DIAPH2: variants seen among roughly 807,000 people sequenced by gnomAD.
The protein encoded by DIAPH2 is diaphanous related formin 2.
A neutral mutation model predicts 92.7 loss-of-function variants in DIAPH2; 35 were observed. The observed-to-expected ratio is 0.38, with a 90% CI of 0.29 to 0.50. The LOEUF is 0.50. DIAPH2 is among the 20% of genes least tolerant of loss of function. The probability of loss-of-function intolerance (pLI) is 0.94; values close to 1 mark genes in which losing one functional copy is unlikely to be tolerated. For synonymous variants in DIAPH2, 301 were observed against 280.4 expected, an observed-to-expected ratio of 1.07 and a Z score of -0.73; for missense variants, 701 against 819.5, an observed-to-expected ratio of 0.86 and a Z score of 1.77.
intron 25 of DIAPH2, among the ~76,000 whole-genome samples, chrX:97,401,887 C>A (rs2069761376): frequency 8.9e-6 from 1 of 112,660 alleles, no homozygotes; most frequent in African/African-American, 3.2e-5. Context: ...GTCTACTAGG[C>A]TTCTCTATGT....
Position 97,099,777 on chromosome X carries a change from T to C in DIAPH2, c.2331T>C (p.Pro777=), listed in dbSNP as rs2066894300. The C allele has an allele frequency of 1.7e-6, 2 of 1,167,315 alleles. No individual in the cohort carries two copies. The highest frequency in any genetic ancestry group is 1.8e-5 in the African/African-American group (1 of 55,937). ...ATGAATATGATGACCTCTGTGAGCC[T>C]GAACAATTTGGAGTTGTGGTATGTA... ...LKNEYDDLCE[P]EQFGVVMSSV... Residue 777 remains proline (P), a synonymous_variant, in exon 20 of 27, where the codon CCT becomes CCC. Transcript: ENST00000324765.
At chrX:96,893,061 C>T (rs1042089724) in intron 5 of DIAPH2, among the ~76,000 whole-genome samples, 1 of 111,562 alleles carries the variant, frequency 9.0e-6, no homozygotes, top group Non-Finnish European at 1.9e-5. Flanking sequence ...ATATTTATTT[C>T]GAGTTATATG....
intron 22 of DIAPH2, among the ~76,000 whole-genome samples, chrX:97,216,502 C>G (rs2067884862): frequency 9.3e-6 from 1 of 107,878 alleles, no homozygotes; most frequent in Non-Finnish European, 1.9e-5. Flanking sequence ...AACTGGGTCT[C>G]CCTATGTTGC....
At chrX:97,117,189 T>C (rs757018891) in intron 21 of DIAPH2, among the ~76,000 whole-genome samples, 4 of 110,576 alleles carry the variant, frequency 3.6e-5, no homozygotes, top group South Asian at 7.8e-4. Context: ...AAGAGAAATA[T>C]CATACACATG....
chrX:96,861,083 G>A (rs2147724127), intron 4 of DIAPH2, among the ~76,000 whole-genome samples: 1 of 111,396 alleles, frequency 9.0e-6, no homozygotes, highest in East Asian at 2.8e-4. Context: ...ACCATAGAGT[G>A]TTCTGCATTT....
chrX:97,246,388 T>G (rs1335193187), intron 22 of DIAPH2, among the ~76,000 whole-genome samples: 1 of 112,378 alleles, frequency 8.9e-6, no homozygotes, highest in African/African-American at 3.2e-5. Flanking sequence ...CATTAGCAAA[T>G]TTTTGGCAAA....
intron 26 of DIAPH2, among the ~76,000 whole-genome samples, chrX:97,517,000 A>G (rs1359613970): frequency 5.3e-5 from 6 of 112,633 alleles, no homozygotes; most frequent in Non-Finnish European, 1.1e-4. Flanking sequence ...CAAGGTGTAC[A>G]GCATGATATT....
chrX:97,549,979 A>C (rs1420226638), intron 26 of DIAPH2, among the ~76,000 whole-genome samples: 4 of 113,034 alleles, frequency 3.5e-5, no homozygotes, highest in African/African-American at 1.3e-4. Context: ...TTTTAAAATA[A>C]AGGCTTCTTT....
At chrX:97,523,978 A>G (rs1280861894) in intron 26 of DIAPH2, among the ~76,000 whole-genome samples, 1 of 112,114 alleles carries the variant, frequency 8.9e-6, no homozygotes, top group Non-Finnish European at 1.9e-5. Context: ...GAAAGCTAGT[A>G]CAGTAAAAAT....
chrX:96,853,714 T>C (rs1011121683), intron 4 of DIAPH2, among the ~76,000 whole-genome samples: 12 of 112,101 alleles, frequency 1.1e-4, no homozygotes, highest in African/African-American at 3.9e-4. Flanking sequence ...GAATATAATA[T>C]TTCTCAACTC....
At chrX:96,850,380 G>T (rs1186946522) in intron 4 of DIAPH2, among the ~76,000 whole-genome samples, 1 of 111,986 alleles carries the variant, frequency 8.9e-6, no homozygotes, top group Non-Finnish European at 1.9e-5. Context: ...TAATTCACTT[G>T]TTATAACATC....
At chrX:97,105,747 G>A (rs1415547312) in intron 20 of DIAPH2, among the ~76,000 whole-genome samples, 1 of 111,804 alleles carries the variant, frequency 8.9e-6, no homozygotes, top group Admixed American at 9.5e-5. Context: ...CTTAGTAATC[G>A]TACTTTGTTT....
chrX:96,913,356 CAAAA>C (rs751852628), intron 7 of DIAPH2, among the ~76,000 whole-genome samples: 135 of 111,237 alleles, frequency 1.2e-3, no homozygotes, highest in Middle Eastern at 4.8e-3. Context: ...GAAAACATAA[CAAAA>C]AGAAAGAAAT....
In DIAPH2 at chrX:96,867,509, C is replaced by T. The variant is rs746536359; in HGVS notation, c.448-14070C>T. Among the ~76,000 whole-genome samples the T allele has an allele frequency of 3.6e-4, 40 of 111,502 alleles. 1 individual carries two copies. The highest frequency in any genetic ancestry group is 4.6e-3 in the Middle Eastern group (1 of 218). On this transcript the variant is annotated intron_variant, in intron 4 of 26. Transcript: ENST00000324765. Reference sequence around the variant, plus strand: ...TGTTGAGATTACAAGCGTGAGCCACCGCACCTGGCCAGATTGTTCTTTCAA... The same window carrying T: ...TGTTGAGATTACAAGCGTGAGCCACTGCACCTGGCCAGATTGTTCTTTCAA...
intron 24 of DIAPH2, among the ~76,000 whole-genome samples, chrX:97,366,828 A>C (rs572958708): frequency 3.6e-5 from 4 of 111,711 alleles, no homozygotes; most frequent in African/African-American, 1.3e-4. Flanking sequence ...TCACGGGATA[A>C]AATTTTGTCA....
chrX:96,862,340 G>A (rs768790912), intron 4 of DIAPH2, among the ~76,000 whole-genome samples: 2 of 111,618 alleles, frequency 1.8e-5, no homozygotes, highest in Admixed American at 9.5e-5. Flanking sequence ...TGCCAAACAC[G>A]GTACATTTTC....
intron 22 of DIAPH2, among the ~76,000 whole-genome samples, chrX:97,234,016 T>C (rs2068027680): frequency 9.0e-6 from 1 of 110,670 alleles, no homozygotes; most frequent in African/African-American, 3.3e-5. Flanking sequence ...CTCAGTTGCA[T>C]TATGGTTATA....
At chrX:96,770,628 A>G (rs1418019916) in intron 4 of DIAPH2, among the ~76,000 whole-genome samples, 4 of 111,737 alleles carry the variant, frequency 3.6e-5, no homozygotes, top group African/African-American at 1.3e-4. Flanking sequence ...AAATTGTAGG[A>G]TAGTTGCTAC....
chrX:97,430,966 A>G (rs2070120474), intron 26 of DIAPH2, among the ~76,000 whole-genome samples: 1 of 112,427 alleles, frequency 8.9e-6, no homozygotes, highest in Non-Finnish European at 1.9e-5. Context: ...TGGTTGGAGT[A>G]TAAGACTACT....
Sources: gnomAD v4.1 joint callset for allele counts (sites outside exome capture counted in the v4.1 genomes callset) on GRCh38, gnomAD v4.1.1 for gene constraint, MANE v1.5 for transcripts, NCBI Gene and HGNC (gene_info 2026-07-23, HGNC 2026-07-21) for gene names.